The following CARS2 variants were observed in gnomAD, a reference collection of about 807,000 sequenced individuals.
CARS2 encodes the protein cysteinyl-tRNA synthetase 2, mitochondrial.
CARS2 carries 52 observed loss-of-function variants against 68.8 expected under a neutral mutation model. That is an observed-to-expected ratio of 0.76 (90% CI 0.61 to 0.95). The LOEUF is 0.95. Among genes scored for constraint, CARS2 ranks in the 40% least tolerant of loss-of-function variants. The probability of loss-of-function intolerance (pLI) is 0.00; values close to 1 mark genes in which losing one functional copy is unlikely to be tolerated. For missense variants in CARS2, 780 were observed against 754.2 expected (o/e 1.03, Z -0.40); for synonymous variants, 314 against 303.6 (o/e 1.03, Z -0.36).
rs191519726 is a variant in CARS2 at position 110,666,920 on chromosome 13, A to G, written c.919+420T>C. On this transcript the variant is annotated intron_variant, in intron 8 of 14. Transcript: ENST00000257347. ...TCATGGTGTTGCATCCACTTCTGAG[A>G]GCAGACAGCTGGGGTTCATCAGTTA... The G allele has an allele frequency of 1.3e-4, 131 of 985,448 alleles. 1 individual carries two copies. In the African/African-American group the frequency reaches 2.0e-3, roughly 15 times the overall value. 61.0% of individuals were successfully genotyped at this position (985,448 alleles called of 1,614,324 possible).
Position 110,705,721 on chromosome 13 carries a change from C to T in CARS2, c.224+149G>A, listed in dbSNP as rs1226842465. ...CATACTTGCTCAATTCACACCCAAA[C>T]CTGCAAAAGCACCGCGCACCCCCAG... On this transcript the variant is annotated intron_variant, in intron 1 of 14. Transcript: ENST00000257347. The surrounding 1 kb of genome is among the most constrained non-coding windows in gnomAD (Gnocchi z 4.0). 6 of 1,532,724 alleles carry T rather than the reference C, an allele frequency of 3.9e-6. No individual in the cohort carries two copies. In the African/African-American group the frequency reaches 4.1e-5, roughly 11 times the overall value. The allele number at this position is 1,532,724 out of a possible 1,614,324, so 94.9% of individuals were successfully genotyped here.
chr13:110,708,178 A>G (rs1370124197), upstream of CARS2, among the ~76,000 whole-genome samples: 1 of 151,170 alleles, frequency 6.6e-6, no homozygotes, highest in Non-Finnish European at 1.5e-5. Context: ...CTGTGGCTGG[A>G]AAAAAAAAAT....
At position 110,670,598 on chromosome 13, in the gene CARS2, A is replaced by C. The variant is rs887782767; in HGVS notation, c.786-3125T>G. On this transcript the variant is annotated intron_variant, in intron 7 of 14. Coordinates refer to ENST00000257347, the MANE Select transcript of CARS2 (RefSeq NM_024537.4). The surrounding 1 kb of genome is among the most constrained non-coding windows in gnomAD (Gnocchi z 4.1). ...CCAAAGGTAGACAAAAACCACAAAG[A>C]TGGGGAGAAACCAGAGCAGAAAAGC... Among the ~76,000 whole-genome samples the C allele has an allele frequency of 6.6e-6, 1 of 152,302 alleles. No homozygotes were observed. The highest frequency in any genetic ancestry group is 1.9e-4 in the East Asian group (1 of 5,176).
At chr13:110,678,308 C>A (rs2063031170) in intron 6 of CARS2, among the ~76,000 whole-genome samples, 1 of 152,182 alleles carries the variant, frequency 6.6e-6, no homozygotes, top group Non-Finnish European at 1.5e-5. Flanking sequence ...GGACCCGAGA[C>A]TCTGAGCAAG....
intron 6 of CARS2, 135 bp downstream of exon 6, chr13:110,682,916 T>G: frequency 1.9e-6 from 1 of 514,412 alleles, no homozygotes; most frequent in South Asian, 4.0e-5. Flanking sequence ...CACACTAAAT[T>G]TAAAACACAG....
chr13:110,687,873 A>G, intron 4 of CARS2, 47 bp from the exon 5 acceptor site: 1 of 1,555,180 alleles, frequency 6.4e-7, no homozygotes, highest in Non-Finnish European at 8.9e-7. Context: ...TGAGAAGCAC[A>G]GGTCAGCCAG....
chr13:110,651,263 C>T (rs151183055), intron 9 of CARS2, 163 bp from the exon 10 acceptor site: 2 of 559,738 alleles, frequency 3.6e-6, no homozygotes, highest in Non-Finnish European at 6.3e-6. Context: ...CCACCTGTTT[C>T]CTGGTGATTT....
intron 9 of CARS2, among the ~76,000 whole-genome samples, chr13:110,655,506 G>A (rs379114): frequency 0.28 from 43,131 of 152,104 alleles, 6,813 homozygotes; most frequent in African/African-American, 0.39. Flanking sequence ...AATCAAGCAA[G>A]CGCAAAACTA....
At chr13:110,704,735 C>T (rs1238217252) in intron 2 of CARS2, among the ~76,000 whole-genome samples, 1 of 150,270 alleles carries the variant, frequency 6.7e-6, no homozygotes, top group Non-Finnish European at 1.5e-5. Flanking sequence ...GCGACTCCGT[C>T]TCAAGAAAAA....
rs1228215913 is a variant in CARS2, at chr13:110,643,865, G to A, written c.1416+520C>T. The A allele has an allele frequency of 2.4e-5, 6 of 254,946 alleles. No individual in the cohort carries two copies. The East Asian group carries it at 4.9e-4, about 21-fold the overall frequency. The allele number at this position is 254,946 out of a possible 1,614,324, so 15.8% of individuals were successfully genotyped here. A position where few individuals can be genotyped will look rare whatever the true frequency, so the allele number is the denominator to read the frequency against. On this transcript the variant is annotated intron_variant, in intron 13 of 14. Transcript: ENST00000257347. The stretch of plus-strand genomic sequence containing the variant: ...AGTCTCTTTGCAAAAATGCTCTTGA[G>A]TTACAACGGAAGAGAAGGAATGTGG...
At chr13:110,692,343 T>C (rs1299295661) in intron 3 of CARS2, among the ~76,000 whole-genome samples, 2 of 151,618 alleles carry the variant, frequency 1.3e-5, no homozygotes, top group Non-Finnish European at 2.9e-5. Context: ...TGGTGGCACA[T>C]GTCTGTAATC....
At chr13:110,654,203 C>T (rs2062302020) in intron 9 of CARS2, among the ~76,000 whole-genome samples, 1 of 152,222 alleles carries the variant, frequency 6.6e-6, no homozygotes. Context: ...TGGGCAGAAG[C>T]AGGCACCAGA....
In CARS2 at chr13:110,653,887, G is replaced by A. The variant is rs978414617; in HGVS notation, c.988-2787C>T. ...TTTTAGCGTGTTCCTGCTCTGTGCC[G>A]GCTGATATCAGCAAGTTTCTATACT... On this transcript the variant is annotated intron_variant, in intron 9 of 14. Transcript: ENST00000257347. This position sits in a 1 kb window ranked among gnomAD's most constrained non-coding sequence, Gnocchi z 5.6. 6.6e-6 allele frequency among the ~76,000 whole-genome samples: 1 copy of A among 152,162 alleles called. No individual in the cohort carries two copies. The highest frequency in any genetic ancestry group is 2.4e-5 in the African/African-American group (1 of 41,432).
At chr13:110,664,694 T>G (rs1258809654) in intron 8 of CARS2, 3 of 953,962 alleles carry the variant, frequency 3.1e-6, no homozygotes, top group Non-Finnish European at 2.5e-6. Flanking sequence ...TGAATGTTTA[T>G]GTCCTCCCAA....
At chr13:110,698,813 G>C (rs1008441806) in intron 3 of CARS2, among the ~76,000 whole-genome samples, 4 of 152,034 alleles carry the variant, frequency 2.6e-5, no homozygotes, top group African/African-American at 9.7e-5. Flanking sequence ...AGACCAGCCT[G>C]GGCAACATAG....
intron 8 of CARS2, 49 bp from the exon 9 acceptor site, chr13:110,663,567 C>T (rs1318961425): frequency 1.9e-6 from 3 of 1,603,008 alleles, no homozygotes; most frequent in Non-Finnish European, 1.7e-6. Context: ...AGGAGACTCT[C>T]TGGCCTCAGG....
chr13:110,692,195 C>T (rs1045836869), intron 3 of CARS2, among the ~76,000 whole-genome samples: 16 of 151,620 alleles, frequency 1.1e-4, no homozygotes, highest in African/African-American at 3.9e-4. Flanking sequence ...GGTGGCCGGG[C>T]GCAGTGGCTC....
chr13:110,654,591 A>T (rs1339420285), intron 9 of CARS2, among the ~76,000 whole-genome samples: 1 of 151,980 alleles, frequency 6.6e-6, no homozygotes, highest in Non-Finnish European at 1.5e-5. Context: ...ACGCATGGAA[A>T]TTTAAAATCT....
chr13:110,696,731 C>T (rs1016654963), intron 3 of CARS2, among the ~76,000 whole-genome samples: 12 of 152,218 alleles, frequency 7.9e-5, no homozygotes, highest in Non-Finnish European at 1.6e-4. Flanking sequence ...CCAAGTTTTT[C>T]ATATTCTAAT....
Sources: gnomAD v4.1 joint callset for allele counts (sites outside exome capture counted in the v4.1 genomes callset) on GRCh38, gnomAD v4.1.1 for gene constraint, Gnocchi (gnomAD v3.1) non-coding constraint, MANE v1.5 for transcripts, NCBI Gene and HGNC (gene_info 2026-07-23, HGNC 2026-07-21) for gene names.